TRPM6: variants seen among roughly 807,000 people sequenced by gnomAD.
The protein encoded by TRPM6 is channel kinase 2.
A neutral mutation model predicts 247.6 loss-of-function variants in TRPM6; 111 were observed. The ratio of observed to expected loss-of-function variants is 0.45; its 90% CI spans 0.38 to 0.52. The LOEUF is 0.52. TRPM6 is among the 20% of genes least tolerant of loss of function. The probability of loss-of-function intolerance (pLI) is 0.00; values close to 1 mark genes in which losing one functional copy is unlikely to be tolerated. For synonymous variants in TRPM6, 892 were observed against 853.8 expected (o/e 1.04, Z -0.78); for missense variants, 2,126 against 2,421.5 (o/e 0.88, Z 2.56).
chr9:74,867,748 C>G (rs1160727600), intron 1 of TRPM6, among the ~76,000 whole-genome samples: 1 of 152,026 alleles, frequency 6.6e-6, no homozygotes, highest in East Asian at 1.9e-4. Context: ...CAGGATACAT[C>G]CTATCAGTTT....
At position 74,827,881 on chromosome 9, in the gene TRPM6, C is replaced by T. The variant is rs369197140; in HGVS notation, c.738G>A (p.Ser246=). 6.2e-7 allele frequency: 1 copy of T among 1,614,058 alleles called. No homozygotes were observed. The highest frequency in any genetic ancestry group is 2.2e-5 in the East Asian group (1 of 44,870). ...SKLTTLNSMH[S]HFILSDDGTV... ...TCCCATCATCAGACAGGATGAAGTG[C>T]GAGTGCATGCTGTTGAGTGTTGTGA... The change falls in exon 7 of 39, where the codon TCG becomes TCA. Residue 246 remains serine (S), a synonymous_variant. Coordinates refer to ENST00000360774, the MANE Select transcript of TRPM6 (RefSeq NM_017662.5).
chr9:74,768,014 G>A (rs1826886371), intron 25 of TRPM6, among the ~76,000 whole-genome samples: 1 of 151,994 alleles, frequency 6.6e-6, no homozygotes, highest in Non-Finnish European at 1.5e-5. Context: ...TTTTCAGACG[G>A]TACATATCCA....
Position 74,842,329 on chromosome 9 carries a change from C to T in TRPM6, c.167G>A (p.Arg56Gln), listed in dbSNP as rs368948971. 14 of 1,613,876 alleles carry T rather than the reference C, an allele frequency of 8.7e-6. 1 individual carries two copies. Among genetic ancestry groups the T allele is most frequent in the Middle Eastern group, 1.6e-4 (1 of 6,084 alleles). Residue 56 changes from arginine to glutamine, a missense_variant, in exon 4 of 39, where the codon CGA becomes CAA. This residue lies in a region of TRPM6 where 1,082 missense variants were observed against 1,307.9 expected (regional missense o/e 0.83). Transcript: ENST00000360774. ...CQNLIRCYCG[R>Q]LIGDHAGIDY... ...TATCCCAGCATGGTCTCCAATCAGT[C>T]GGCCACAGTAACACCTTAAATTCAA...
intron 1 of TRPM6, among the ~76,000 whole-genome samples, chr9:74,862,703 C>T (rs540543351): frequency 2.0e-5 from 3 of 152,254 alleles, no homozygotes; most frequent in South Asian, 2.1e-4. Flanking sequence ...TAAAATTGTC[C>T]GGGTGTGGTG....
intron 33 of TRPM6, among the ~76,000 whole-genome samples, chr9:74,740,809 A>G (rs1825839871): frequency 6.6e-6 from 1 of 152,134 alleles, no homozygotes; most frequent in Non-Finnish European, 1.5e-5. Context: ...TGTATTAAAA[A>G]TATTCTGTAT....
intron 38 of TRPM6, among the ~76,000 whole-genome samples, chr9:74,726,093 CT>C (rs1196098581): frequency 6.6e-6 from 1 of 152,166 alleles, no homozygotes; most frequent in Non-Finnish European, 1.5e-5. Flanking sequence ...AGACAAAACT[CT>C]TTTTTTATTT....
chr9:74,793,159 AAAT>A (rs1037827937), intron 18 of TRPM6, among the ~76,000 whole-genome samples: 21 of 152,230 alleles, frequency 1.4e-4, no homozygotes, highest in African/African-American at 5.1e-4. Flanking sequence ...CTGTCTCAAA[AAAT>A]AATAATAATT....
At chr9:74,851,754 A>AT (rs1451741963) in intron 3 of TRPM6, among the ~76,000 whole-genome samples, 151 of 138,670 alleles carry the variant, frequency 1.1e-3, no homozygotes, top group African/African-American at 4.0e-3. Context: ...GTCTCAAAAA[A>AT]AAAAAAAAAA....
At chr9:74,863,988 C>A (rs1412397184) in intron 1 of TRPM6, among the ~76,000 whole-genome samples, 1 of 151,534 alleles carries the variant, frequency 6.6e-6, no homozygotes, top group African/African-American at 2.4e-5. Flanking sequence ...TTTTTTGCAC[C>A]TTAAAAAAAA....
chr9:74,791,459 A>G (rs765539480), intron 19 of TRPM6, among the ~76,000 whole-genome samples: 20 of 152,174 alleles, frequency 1.3e-4, no homozygotes, highest in South Asian at 6.2e-4. Flanking sequence ...ATGGGAGCAC[A>G]TGTTCTCAGA....
chr9:74,804,145 C>G (rs1828447328), intron 14 of TRPM6, among the ~76,000 whole-genome samples: 1 of 152,110 alleles, frequency 6.6e-6, no homozygotes, highest in South Asian at 2.1e-4. Flanking sequence ...CTCTTTTGTT[C>G]CCTATTATAT....
chr9:74,782,216 GT>G, intron 23 of TRPM6, 145 bp downstream of exon 23: 1 of 626,646 alleles, frequency 1.6e-6, no homozygotes, highest in Non-Finnish European at 2.8e-6. Flanking sequence ...CTTATCAGTA[GT>G]TTTATGTGCA....
chr9:74,828,540 C>T (rs939913052), intron 6 of TRPM6, among the ~76,000 whole-genome samples: 1 of 152,100 alleles, frequency 6.6e-6, no homozygotes, highest in African/African-American at 2.4e-5. Flanking sequence ...AAACCCTGTT[C>T]AGCAAGATTA....
In TRPM6 at chr9:74,793,119, G is replaced by A. The variant is rs937880037; in HGVS notation, c.2392-349C>T. Among the ~76,000 whole-genome samples, 27 of 152,036 alleles carry A rather than the reference G, an allele frequency of 1.8e-4. 1 individual carries two copies. Among genetic ancestry groups the A allele is most frequent in the Admixed American group, 1.2e-3 (18 of 15,246 alleles). ...TACAGTGAGCCGATATCATGCCACC[G>A]CACTCCAGCCTGGGTGACAGAGTGA... is the stretch of plus-strand genomic sequence containing the variant. On this transcript the variant is annotated intron_variant, in intron 18 of 38. Coordinates refer to ENST00000360774, the MANE Select transcript of TRPM6 (RefSeq NM_017662.5).
At position 74,788,729 on chromosome 9, in the gene TRPM6, G is replaced by A. The variant is rs1388733951; in HGVS notation, c.2552C>T (p.Ala851Val). The change falls in exon 20 of 39, where the codon GCA becomes GTA. Residue 851 changes from alanine (A) to valine (V), a missense_variant. Physicochemically the swap from Ala to Val is moderately conservative, Grantham distance 64 (BLOSUM62 0). Around this residue, in one of 3 missense-constraint regions of TRPM6, gnomAD observed 1,082 missense variants for 1,307.9 expected, o/e 0.83. Transcript: ENST00000360774. ...KFWFYTMAYL[A>V]FLMLFTYTVL... ...GGTGTAAGTGAACAGCATGAGGAATGCCAAATACGCCATCTGTGAGGGGGA... is the reference window on the plus strand; with the variant it reads ...GGTGTAAGTGAACAGCATGAGGAATACCAAATACGCCATCTGTGAGGGGGA... 1.9e-6 allele frequency: 3 copies of A among 1,613,978 alleles called. 1 individual carries two copies. The highest frequency in any genetic ancestry group is 2.2e-5 in the South Asian group (2 of 91,062).
intron 6 of TRPM6, among the ~76,000 whole-genome samples, chr9:74,833,351 T>C (rs1829607754): frequency 6.6e-6 from 1 of 152,188 alleles, no homozygotes; most frequent in African/African-American, 2.4e-5. Context: ...GACAAGTCCG[T>C]TCCCTTTGAA....
intron 3 of TRPM6, among the ~76,000 whole-genome samples, chr9:74,844,852 T>C (rs1830057799): frequency 6.6e-6 from 1 of 152,132 alleles, no homozygotes; most frequent in Non-Finnish European, 1.5e-5. Context: ...ATTTCTAGCT[T>C]TTGATTTAAA....
At chr9:74,878,263 C>T (rs1353325244) in intron 1 of TRPM6, among the ~76,000 whole-genome samples, 1 of 152,162 alleles carries the variant, frequency 6.6e-6, no homozygotes, top group East Asian at 1.9e-4. Flanking sequence ...ACCTGCCTGC[C>T]CTTCCCACCA....
At chr9:74,770,864 C>T (rs941114083) in intron 25 of TRPM6, among the ~76,000 whole-genome samples, 6 of 152,114 alleles carry the variant, frequency 3.9e-5, no homozygotes, top group African/African-American at 1.2e-4. Flanking sequence ...ACAAAAAAAC[C>T]TTACCGTGTC....
Sources: gnomAD v4.1 joint callset for allele counts (sites outside exome capture counted in the v4.1 genomes callset) on GRCh38, gnomAD v4.1.1 for gene constraint, gnomAD v4.1.1 regional missense constraint, MANE v1.5 for transcripts, NCBI Gene and HGNC (gene_info 2026-07-23, HGNC 2026-07-21) for gene names.